The following FGF13 variants were observed in gnomAD, a reference collection of about 807,000 sequenced individuals.
The protein encoded by FGF13 is fibroblast growth factor homologous factor 2.
In FGF13, 2 loss-of-function variants were observed where a neutral mutation model predicts 19.5. That is an observed-to-expected ratio of 0.10 (90% CI 0.04 to 0.32). The LOEUF (loss-of-function observed/expected upper bound fraction) is 0.32. Ranked by LOEUF, FGF13 falls within the 10% of genes least tolerant of loss-of-function variation. FGF13 has a pLI of 1.00. For synonymous variants in FGF13, 72 were observed against 76.9 expected (o/e 0.94, Z 0.33); for missense variants, 113 against 192.7 (o/e 0.59, Z 2.45).
Position 138,968,616 on chromosome X carries a change from C to A in FGF13, c.-112-103966G>T, listed in dbSNP as rs189313166. Among the ~76,000 whole-genome samples, 101 of 112,035 alleles carry A rather than the reference C, an allele frequency of 9.0e-4. 1 individual carries two copies. The highest frequency in any genetic ancestry group is 1.1e-3 in the Non-Finnish European group (56 of 53,198). On this transcript the variant is annotated intron_variant, in intron 1 of 2. Transcript: ENST00000421460. The stretch of plus-strand genomic sequence containing the variant: ...ATATAGTCCTGTTAAATAGAGAATG[C>A]CACGAGGGAGGGTTCTGACATGCAA...
chrX:139,148,538 A>G (rs2083908106), intron 1 of FGF13, among the ~76,000 whole-genome samples: 2 of 108,550 alleles, frequency 1.8e-5, no homozygotes, highest in African/African-American at 6.7e-5. Flanking sequence ...TGCCTTCACA[A>G]CTAGCTCTGA....
At chrX:139,142,812 A>C (rs1412640892) in intron 1 of FGF13, among the ~76,000 whole-genome samples, 1 of 112,058 alleles carries the variant, frequency 8.9e-6, no homozygotes, top group East Asian at 2.8e-4. Flanking sequence ...GTCATCATCC[A>C]CATATCGCAT....
chrX:139,016,311 A>T (rs2092152642), intron 1 of FGF13, among the ~76,000 whole-genome samples: 1 of 111,664 alleles, frequency 9.0e-6, no homozygotes, highest in Admixed American at 9.6e-5. Context: ...GGGGGAAAGT[A>T]CTATTATCTC....
At chrX:139,026,671 A>G (rs2092202269) in intron 1 of FGF13, among the ~76,000 whole-genome samples, 1 of 111,640 alleles carries the variant, frequency 9.0e-6, no homozygotes, top group Non-Finnish European at 1.9e-5. Context: ...GCTCACTACC[A>G]TTCTCGCCAG....
At chrX:139,035,035 G>A (rs2092246056) in intron 1 of FGF13, among the ~76,000 whole-genome samples, 1 of 111,384 alleles carries the variant, frequency 9.0e-6, no homozygotes, top group South Asian at 3.7e-4. Flanking sequence ...TATAAACATC[G>A]CTTGGCAATG....
chrX:139,144,013 C>A lies in FGF13; in HGVS notation c.-113+59403G>T, dbSNP rs759433658. ...CTTCCCAGTGGCCAGCTCTGCAGAC[C>A]ACCAACATGCAAGCTGAAGCCCACA... On this transcript the variant is annotated intron_variant, in intron 1 of 2. Transcript: ENST00000421460. Among the ~76,000 whole-genome samples the A allele has an allele frequency of 3.8e-3, 422 of 111,481 alleles. 2 individuals carry two copies. Among genetic ancestry groups the A allele is most frequent in the Non-Finnish European group, 6.6e-3 (350 of 53,086 alleles).
intron 1 of FGF13, among the ~76,000 whole-genome samples, chrX:138,985,259 G>C (rs1183586923): frequency 8.9e-6 from 1 of 112,433 alleles, no homozygotes; most frequent in Admixed American, 9.4e-5. Context: ...GTTTCTGTTT[G>C]TTTTTAACCA....
intron 1 of FGF13, among the ~76,000 whole-genome samples, chrX:139,159,041 T>C (rs1054564526): frequency 9.1e-6 from 1 of 110,428 alleles, no homozygotes; most frequent in Non-Finnish European, 1.9e-5. Context: ...TTCACTAAGG[T>C]TGAAACGAAG....
At chrX:138,948,666 T>C (rs2091793960) in intron 1 of FGF13, among the ~76,000 whole-genome samples, 1 of 112,004 alleles carries the variant, frequency 8.9e-6, no homozygotes, top group Non-Finnish European at 1.9e-5. Context: ...AATTCTGGAA[T>C]TCAGGGACTA....
chrX:138,884,901 G>A (rs970802989), intron 1 of FGF13, among the ~76,000 whole-genome samples: 1 of 111,847 alleles, frequency 8.9e-6, no homozygotes, highest in Non-Finnish European at 1.9e-5. Flanking sequence ...CCCCTTTACT[G>A]AGTGACAGAA....
chrX:139,144,248 C>A (rs1490381739), intron 1 of FGF13, among the ~76,000 whole-genome samples: 1 of 111,872 alleles, frequency 8.9e-6, no homozygotes, highest in Non-Finnish European at 1.9e-5. Flanking sequence ...AGAACTCTGA[C>A]CTTAAGTTCA....
At chrX:138,850,834 C>T (rs149078733) in intron 3 of FGF13, among the ~76,000 whole-genome samples, 4,908 of 111,587 alleles carry the variant, frequency 0.044, 103 homozygotes, top group Non-Finnish European at 0.066. Flanking sequence ...AAACCATCAC[C>T]GAAATATTAA....
intron 1 of FGF13, among the ~76,000 whole-genome samples, chrX:138,875,909 C>A (rs2091386436): frequency 9.0e-6 from 1 of 110,900 alleles, no homozygotes; most frequent in East Asian, 2.8e-4. Flanking sequence ...GCATCTCTAG[C>A]TTGTTGACTA....
At chrX:139,121,909 C>T (rs923417526) in intron 1 of FGF13, among the ~76,000 whole-genome samples, 2 of 110,793 alleles carry the variant, frequency 1.8e-5, no homozygotes, top group Admixed American at 1.9e-4. Context: ...CAGGAAGACA[C>T]GGGTAAGGCA....
chrX:139,110,040 C>A (rs1191726128), intron 1 of FGF13, among the ~76,000 whole-genome samples: 1 of 111,300 alleles, frequency 9.0e-6, no homozygotes, highest in African/African-American at 3.3e-5. Context: ...TACTTAATTT[C>A]TCTGTGCCTC....
chrX:139,147,747 G>A (rs187985813), intron 1 of FGF13, among the ~76,000 whole-genome samples: 22 of 110,726 alleles, frequency 2.0e-4, no homozygotes, highest in South Asian at 1.2e-3. Flanking sequence ...GTCTCCGTGC[G>A]TCTCCAAATC....
intron 3 of FGF13, among the ~76,000 whole-genome samples, chrX:138,688,003 G>A (rs1398963142): frequency 5.6e-5 from 6 of 107,079 alleles, no homozygotes. Context: ...CCAGACTGGA[G>A]TGCAGTGAGT....
upstream of FGF13, chrX:138,716,451 C>T (rs2090102673): frequency 1.8e-5 from 2 of 111,575 alleles, no homozygotes; most frequent in Admixed American, 9.5e-5. Context: ...CACAGTGGCT[C>T]ACACCTGTAA....
chrX:138,714,773 C>T (rs1319725991), upstream of FGF13: 1 of 112,184 alleles, frequency 8.9e-6, no homozygotes, highest in Non-Finnish European at 1.9e-5. Context: ...AAATCTCCAA[C>T]AGGAAACTAT....
Sources: allele counts gnomAD v4.1 joint callset (sites outside exome capture counted in the v4.1 genomes callset), GRCh38; gene constraint gnomAD v4.1.1; transcripts MANE v1.5; gene names NCBI Gene and HGNC (gene_info 2026-07-23, HGNC 2026-07-21).